DLGAP2: variants seen among roughly 807,000 people sequenced by gnomAD.
The protein encoded by DLGAP2 is DLG associated protein 2.
DLGAP2 carries 26 observed loss-of-function variants against 100.3 expected under a neutral mutation model. The ratio of observed to expected loss-of-function variants is 0.26; its 90% confidence interval spans 0.19 to 0.36. DLGAP2 has a LOEUF of 0.36. Ranked by LOEUF, DLGAP2 falls within the 10% of genes least tolerant of loss-of-function variation. DLGAP2 has a pLI of 1.00. For synonymous variants in DLGAP2, 886 were observed against 630.1 expected (o/e 1.41, Z -6.08); for missense variants, 1,858 against 1,453.2 (o/e 1.28, Z -4.53).
intron 1 of DLGAP2, among the ~76,000 whole-genome samples, chr8:883,800 C>G (rs1797867375): frequency 6.6e-6 from 1 of 152,222 alleles, no homozygotes; most frequent in East Asian, 1.9e-4. Flanking sequence ...CACTCCCTAA[C>G]TCGCAACAGG....
Position 1,467,250 on chromosome 8 carries a change from G to T in DLGAP2, c.107-34116G>T, listed in dbSNP as rs553012673. Among the ~76,000 whole-genome samples the T allele has an allele frequency of 2.7e-3, 409 of 150,644 alleles. 2 individuals are homozygous for T. Among genetic ancestry groups the T allele is most frequent in the African/African-American group, 9.6e-3 (384 of 40,110 alleles). On this transcript the variant is annotated intron_variant, in intron 3 of 14. Coordinates refer to ENST00000637795, the MANE Select transcript of DLGAP2 (RefSeq NM_001346810.2). ...ATGTCACTGAGTGTCCTTCACCACG[G>T]TCCCTCCCCCCAGCCCCACTGCACC...
intron 2 of DLGAP2, among the ~76,000 whole-genome samples, chr8:1,027,060 C>T (rs1374043019): frequency 6.6e-6 from 1 of 152,114 alleles, no homozygotes; most frequent in Admixed American, 6.5e-5. Context: ...GAAATATGTG[C>T]CCATAATGGC....
rs537459535 is a variant in DLGAP2, at chr8:1,026,016, C to T, written c.73+118050C>T. ...GCCCTGAAGCTGCACCAGGGATTCC[C>T]GGCAGAAGGCTCCGGCCCGTCCAGG... On this transcript the variant is annotated intron_variant, in intron 2 of 14. Coordinates refer to ENST00000637795, the MANE Select transcript of DLGAP2 (RefSeq NM_001346810.2). 1.4e-4 allele frequency among the ~76,000 whole-genome samples: 21 copies of T among 152,340 alleles called. 1 individual carries two copies. Among genetic ancestry groups the T allele is most frequent in the Admixed American group, 8.5e-4 (13 of 15,306 alleles).
intron 1 of DLGAP2, among the ~76,000 whole-genome samples, chr8:806,343 C>T (rs1206607926): frequency 6.6e-6 from 1 of 152,194 alleles, no homozygotes; most frequent in African/African-American, 2.4e-5. Flanking sequence ...AGCCAGGATT[C>T]ACTGCCCGTC....
intron 4 of DLGAP2, among the ~76,000 whole-genome samples, chr8:1,502,619 C>A (rs1419370035): frequency 6.6e-6 from 1 of 152,168 alleles, no homozygotes; most frequent in Non-Finnish European, 1.5e-5. Context: ...CAGTGGCTAT[C>A]ATGTTTGAAT....
intron 2 of DLGAP2, among the ~76,000 whole-genome samples, chr8:1,131,217 G>T (rs943935329): frequency 1.3e-5 from 2 of 152,152 alleles, no homozygotes; most frequent in African/African-American, 4.8e-5. Flanking sequence ...GCCACTCAGA[G>T]TCAGGGGTGC....
chr8:1,308,166 G>A (rs1800535202), intron 3 of DLGAP2, among the ~76,000 whole-genome samples: 1 of 152,228 alleles, frequency 6.6e-6, no homozygotes, highest in South Asian at 2.1e-4. Context: ...GGTACGTGTG[G>A]AAGAAGTGCC....
intron 2 of DLGAP2, among the ~76,000 whole-genome samples, chr8:1,172,370 G>C (rs1330192545): frequency 6.6e-6 from 1 of 151,604 alleles, no homozygotes. Context: ...TCTTGGAGTT[G>C]CTCTTCTCGA....
intron 1 of DLGAP2, among the ~76,000 whole-genome samples, chr8:780,412 T>C (rs1456139043): frequency 6.6e-6 from 1 of 152,232 alleles, no homozygotes; most frequent in Non-Finnish European, 1.5e-5. Context: ...GTTGATTCCA[T>C]ATCTTGTCCA....
intron 4 of DLGAP2, among the ~76,000 whole-genome samples, chr8:1,503,018 A>T (rs1799777793): frequency 6.6e-6 from 1 of 151,714 alleles, no homozygotes; most frequent in African/African-American, 2.4e-5. Context: ...CTGACCCTGG[A>T]CTCCGTGGTT....
chr8:1,326,597 G>A (rs1271991209), intron 3 of DLGAP2, among the ~76,000 whole-genome samples: 3 of 151,486 alleles, frequency 2.0e-5, no homozygotes, highest in Non-Finnish European at 2.9e-5. Context: ...AGGACACGGC[G>A]CGTGCTCGGT....
At chr8:1,565,495 G>A in intron 5 of DLGAP2, 188 bp from the exon 6 acceptor site, 1 of 564,908 alleles carries the variant, frequency 1.8e-6, no homozygotes, top group Non-Finnish European at 3.1e-6. Context: ...TTATAATGAA[G>A]AAAAACCAAC....
intron 2 of DLGAP2, among the ~76,000 whole-genome samples, chr8:1,044,361 C>G (rs1339908417): frequency 6.6e-6 from 1 of 152,222 alleles, no homozygotes; most frequent in Non-Finnish European, 1.5e-5. Context: ...TGGCAAAGCC[C>G]TGTCCTGTAC....
chr8:1,243,382 T>C (rs1798839268), intron 2 of DLGAP2, among the ~76,000 whole-genome samples: 1 of 152,124 alleles, frequency 6.6e-6, no homozygotes, highest in Admixed American at 6.5e-5. Context: ...ACCCAGACAC[T>C]GGTGAGCGAC....
intron 3 of DLGAP2, among the ~76,000 whole-genome samples, chr8:1,458,495 C>G (rs1455381939): frequency 6.6e-6 from 1 of 152,178 alleles, no homozygotes; most frequent in Non-Finnish European, 1.5e-5. Flanking sequence ...ATGGTTCAAC[C>G]TGACATATTT....
intron 3 of DLGAP2, among the ~76,000 whole-genome samples, chr8:1,294,726 G>A (rs560766559): frequency 6.6e-6 from 1 of 152,244 alleles, no homozygotes; most frequent in Non-Finnish European, 1.5e-5. Flanking sequence ...TATTTTGGCT[G>A]GGTGTGGTGG....
chr8:784,564 G>A (rs1821786894), intron 1 of DLGAP2, among the ~76,000 whole-genome samples: 1 of 152,168 alleles, frequency 6.6e-6, no homozygotes, highest in South Asian at 2.1e-4. Context: ...GGTGGATTGT[G>A]GTATTTAGTT....
chr8:1,039,860 G>T (rs539679100), intron 2 of DLGAP2, among the ~76,000 whole-genome samples: 1 of 146,474 alleles, frequency 6.8e-6, no homozygotes, highest in African/African-American at 2.5e-5. Flanking sequence ...CTCGGTGTGC[G>T]TGGTCGGCTC....
intron 6 of DLGAP2, among the ~76,000 whole-genome samples, chr8:1,597,136 G>T (rs773411942): frequency 4.0e-5 from 6 of 151,498 alleles, no homozygotes; most frequent in Non-Finnish European, 8.8e-5. Context: ...TTTCCCCATT[G>T]TTTGTTTTTG....
Sources: allele counts gnomAD v4.1 joint callset (sites outside exome capture counted in the v4.1 genomes callset), GRCh38; gene constraint gnomAD v4.1.1; transcripts MANE v1.5; gene names NCBI Gene and HGNC (gene_info 2026-07-23, HGNC 2026-07-21).